The following CSMD1 variants were observed in gnomAD, a reference collection of about 807,000 sequenced individuals.
The protein encoded by CSMD1 is CUB and sushi domain-containing protein 1.
CSMD1 carries 213 observed loss-of-function variants against 417.5 expected under a neutral mutation model. That is an observed-to-expected ratio of 0.51 (90% confidence interval 0.46 to 0.57). CSMD1 has a LOEUF of 0.57. CSMD1 is among the 20% of genes least tolerant of loss of function. CSMD1 has a pLI of 0.00. For synonymous variants in CSMD1, 2,862 were observed against 1,736.8 expected (o/e 1.65, Z -16.11); for missense variants, 6,923 against 4,529.7 (o/e 1.53, Z -15.17).
At chr8:3,064,729 T>C (rs1337053839) in intron 49 of CSMD1, among the ~76,000 whole-genome samples, 4 of 152,194 alleles carry the variant, frequency 2.6e-5, no homozygotes, top group Admixed American at 1.3e-4. Context: ...AATCCTTACA[T>C]GGTTTTGCAA....
chr8:4,652,607 A>G (rs1803969515), intron 1 of CSMD1, among the ~76,000 whole-genome samples: 1 of 151,998 alleles, frequency 6.6e-6, no homozygotes, highest in South Asian at 2.1e-4. Flanking sequence ...GGCCGAGATC[A>G]AGCCATTGCA....
intron 1 of CSMD1, among the ~76,000 whole-genome samples, chr8:4,790,171 A>T (rs1235861293): frequency 1.3e-5 from 2 of 152,206 alleles, no homozygotes; most frequent in African/African-American, 2.4e-5. Context: ...GTTCAACATA[A>T]TAAGAATATT....
intron 5 of CSMD1, among the ~76,000 whole-genome samples, chr8:3,763,106 G>C (rs760124130): frequency 5.3e-5 from 8 of 152,134 alleles, no homozygotes; most frequent in South Asian, 2.1e-4. Context: ...CAGAGTGCTG[G>C]GCATGTGGTA....
chr8:4,711,364 A>G (rs1435665651), intron 1 of CSMD1, among the ~76,000 whole-genome samples: 1 of 152,214 alleles, frequency 6.6e-6, no homozygotes, highest in Non-Finnish European at 1.5e-5. Context: ...CAAAGTTTCC[A>G]GGAAATTAAT....
intron 37 of CSMD1, among the ~76,000 whole-genome samples, chr8:3,169,557 T>C (rs1820452612): frequency 6.6e-6 from 1 of 152,088 alleles, no homozygotes; most frequent in African/African-American, 2.4e-5. Flanking sequence ...AGTGCAGAGT[T>C]TTGCAAGATG....
At chr8:3,718,151 G>T (rs1208541378) in intron 6 of CSMD1, among the ~76,000 whole-genome samples, 3 of 152,114 alleles carry the variant, frequency 2.0e-5, no homozygotes, top group South Asian at 4.1e-4. Context: ...ATCTATTATT[G>T]TCTCATGGTC....
At chr8:4,241,939 T>G (rs544863901) in intron 3 of CSMD1, among the ~76,000 whole-genome samples, 2 of 152,306 alleles carry the variant, frequency 1.3e-5, no homozygotes, top group South Asian at 2.1e-4. Context: ...TCCTACCAAT[T>G]GACCAGATTC....
chr8:3,743,606 C>G (rs767809164), intron 6 of CSMD1, among the ~76,000 whole-genome samples: 8 of 152,144 alleles, frequency 5.3e-5, no homozygotes, highest in Non-Finnish European at 1.2e-4. Flanking sequence ...AAGCTGGGAA[C>G]TAGGTCTCGA....
At chr8:4,223,278 A>G (rs1014496402) in intron 3 of CSMD1, among the ~76,000 whole-genome samples, 3 of 152,148 alleles carry the variant, frequency 2.0e-5, no homozygotes, top group African/African-American at 7.2e-5. Context: ...GAGCATCCAG[A>G]CTTTTTGCCT....
At chr8:4,608,319 G>A (rs1800990618) in intron 2 of CSMD1, among the ~76,000 whole-genome samples, 1 of 152,198 alleles carries the variant, frequency 6.6e-6, no homozygotes, top group African/African-American at 2.4e-5. Flanking sequence ...AGATGGGTGA[G>A]GAGGCAACTA....
intron 3 of CSMD1, among the ~76,000 whole-genome samples, chr8:4,274,169 A>C (rs569720697): frequency 6.6e-6 from 1 of 152,194 alleles, no homozygotes; most frequent in South Asian, 2.1e-4. Context: ...TTTTTTGCAA[A>C]GTTAAATTAG....
At chr8:3,480,149 A>G (rs1817654770) in intron 11 of CSMD1, among the ~76,000 whole-genome samples, 1 of 152,046 alleles carries the variant, frequency 6.6e-6, no homozygotes, top group Non-Finnish European at 1.5e-5. Flanking sequence ...GCCTGAGCTC[A>G]GGAGTTCAAG....
At chr8:3,885,010 G>A (rs1806461905) in intron 5 of CSMD1, among the ~76,000 whole-genome samples, 2 of 150,996 alleles carry the variant, frequency 1.3e-5, no homozygotes, top group Admixed American at 1.3e-4. Flanking sequence ...AAATGAGTAA[G>A]CTCTGAAATA....
chr8:3,542,357 T>C (rs78072694), intron 10 of CSMD1, among the ~76,000 whole-genome samples: 6,044 of 152,312 alleles, frequency 0.04, 355 homozygotes, highest in African/African-American at 0.12. Context: ...ATTCTGAAGA[T>C]AGGTAATTAG....
At chr8:3,719,959 C>G (rs1802057402) in intron 6 of CSMD1, among the ~76,000 whole-genome samples, 2 of 152,152 alleles carry the variant, frequency 1.3e-5, no homozygotes, top group Non-Finnish European at 1.5e-5. Flanking sequence ...TAAAGATGAT[C>G]ACCACCTGAC....
chr8:4,250,945 A>T (rs1490249674), intron 3 of CSMD1, among the ~76,000 whole-genome samples: 1 of 152,136 alleles, frequency 6.6e-6, no homozygotes, highest in East Asian at 1.9e-4. Flanking sequence ...TCTTCAGATG[A>T]CACGTTTCCC....
intron 3 of CSMD1, among the ~76,000 whole-genome samples, chr8:4,289,385 A>T (rs1278571142): frequency 7.8e-6 from 1 of 127,866 alleles, no homozygotes; most frequent in Non-Finnish European, 1.7e-5. Flanking sequence ...AACATCGATC[A>T]ATTAGTTAAA....
chr8:3,560,370 G>A (rs991808886), intron 10 of CSMD1, among the ~76,000 whole-genome samples: 2 of 152,100 alleles, frequency 1.3e-5, no homozygotes, highest in Admixed American at 6.5e-5. Flanking sequence ...TATGGCATAT[G>A]AGGACATTGA....
chr8:3,645,997 C>A (rs573648005), intron 7 of CSMD1, among the ~76,000 whole-genome samples: 23 of 151,478 alleles, frequency 1.5e-4, no homozygotes, highest in African/African-American at 5.1e-4. Flanking sequence ...TTGTATTTAT[C>A]GCAATTTCTG....
Sources: gnomAD v4.1 joint callset for allele counts (sites outside exome capture counted in the v4.1 genomes callset) on GRCh38, gnomAD v4.1.1 for gene constraint, MANE v1.5 for transcripts, NCBI Gene and HGNC (gene_info 2026-07-23, HGNC 2026-07-21) for gene names.